GLMN: variants seen among roughly 807,000 people sequenced by gnomAD.
GLMN encodes glomulin.
Under a neutral mutation model 87.8 loss-of-function variants are expected in GLMN, and 75 were observed. The observed-to-expected ratio is 0.85, with a 90% confidence interval of 0.71 to 1.04. The LOEUF is 1.04. GLMN is among the 50% of genes least tolerant of loss of function. GLMN has a pLI of 0.00. For synonymous variants in GLMN, 206 were observed against 221.6 expected (o/e 0.93, Z 0.63); for missense variants, 588 against 658.8 (o/e 0.89, Z 1.18).
rs929992839 is a variant in GLMN at position 92,285,307 on chromosome 1, C to G, written c.735+1183G>C. 2.0e-5 allele frequency among the ~76,000 whole-genome samples: 3 copies of G among 152,146 alleles called. No homozygotes were observed. The East Asian group carries it at 5.8e-4, about 29-fold the overall frequency. On this transcript the variant is annotated intron_variant, in intron 7 of 18. Coordinates refer to ENST00000370360, the MANE Select transcript of GLMN (RefSeq NM_053274.3). Reference sequence around the variant, plus strand: ...CCATTAAAAAGGATGAGTTCATGTCCTTTGCAGGGACATGGATGAAGCTGG... The same window carrying G: ...CCATTAAAAAGGATGAGTTCATGTCGTTTGCAGGGACATGGATGAAGCTGG...
At chr1:92,324,239 G>A in the GLMN span, 6 of 1,613,864 alleles carry the variant, frequency 3.7e-6, no homozygotes, top group South Asian at 1.1e-5. Flanking sequence ...AGGGGCTCAG[G>A]TACAGCCATT....
chr1:92,265,025 T>C (rs1399976767), intron 13 of GLMN, among the ~76,000 whole-genome samples: 1 of 152,030 alleles, frequency 6.6e-6, no homozygotes, highest in Non-Finnish European at 1.5e-5. Context: ...GTATTTGTAG[T>C]AGAAACAGGG....
chr1:92,303,327 CAAT>C (rs371032464), upstream of GLMN, among the ~76,000 whole-genome samples: 6 of 152,120 alleles, frequency 3.9e-5, no homozygotes, highest in African/African-American at 1.2e-4. Flanking sequence ...ACATCACTCT[CAAT>C]AAAAAGTATT....
chr1:92,300,655 A>G (rs1650774170), upstream of GLMN, among the ~76,000 whole-genome samples: 1 of 152,270 alleles, frequency 6.6e-6, no homozygotes, highest in Non-Finnish European at 1.5e-5. Context: ...AAGGCAAGAT[A>G]TTACCACATA....
At chr1:92,255,949 C>A (rs1000570598) in intron 16 of GLMN, among the ~76,000 whole-genome samples, 1 of 151,784 alleles carries the variant, frequency 6.6e-6, no homozygotes, top group South Asian at 2.1e-4. Flanking sequence ...AAAAACCCTT[C>A]AAAAAAAATC....
intron 3 of GLMN, among the ~76,000 whole-genome samples, chr1:92,294,322 A>G (rs1427739078): frequency 1.3e-5 from 2 of 152,154 alleles, no homozygotes; most frequent in Non-Finnish European, 2.9e-5. Context: ...TCTTGACCCC[A>G]GTCTTGTAAG....
At chr1:92,358,525 A>G in the GLMN span, among the ~76,000 whole-genome samples, 3 of 152,124 alleles carry the variant, frequency 2.0e-5, no homozygotes, top group East Asian at 5.8e-4. Flanking sequence ...ATTTAATTGT[A>G]TGATTACTTG....
At chr1:92,355,640 A>G in the GLMN span, among the ~76,000 whole-genome samples, 1 of 152,284 alleles carries the variant, frequency 6.6e-6, no homozygotes. Context: ...GAACACCCCC[A>G]AGATGCCTTC....
the GLMN span, among the ~76,000 whole-genome samples, chr1:92,352,386 C>T: frequency 6.6e-6 from 1 of 152,220 alleles, no homozygotes; most frequent in Non-Finnish European, 1.5e-5. Flanking sequence ...TGGAGAGTCA[C>T]TTCCCTAGGG....
At chr1:92,268,743 G>A (rs1557533531) in intron 9 of GLMN, among the ~76,000 whole-genome samples, 1 of 152,128 alleles carries the variant, frequency 6.6e-6, no homozygotes, top group South Asian at 2.1e-4. Flanking sequence ...TAAGAGATGG[G>A]ACTGATAAAC....
Position 92,247,926 on chromosome 1 carries a change from G to A in GLMN, c.1537C>T (p.Leu513Phe). The A allele has an allele frequency of 7.0e-7, 1 of 1,423,258 alleles. No homozygotes were observed. The allele number at this position is 1,423,258 out of a possible 1,614,324, so 88.2% of individuals were successfully genotyped here. A position where few individuals can be genotyped will look rare whatever the true frequency, so the allele number is the denominator to read the frequency against. The change falls in exon 17 of 19, where the codon CTT becomes TTT. Residue 513 changes from leucine (L) to phenylalanine (F), a missense_variant. Transcript: ENST00000370360. ...NNFLKPLHIG[L>F]NMSKAHYEAE... ...TCATAATGTGCTTTTGACATATTAA[G>A]TCCTATATGAAGTGGCTTTAAGAAA...
the GLMN span, among the ~76,000 whole-genome samples, chr1:92,307,541 G>C: frequency 3.3e-5 from 5 of 152,268 alleles, no homozygotes; most frequent in African/African-American, 1.2e-4. Flanking sequence ...TGTGATGCTA[G>C]TTATGTCTGT....
At chr1:92,304,401 A>G in the GLMN span, 115 of 986,764 alleles carry the variant, frequency 1.2e-4, no homozygotes, top group South Asian at 1.7e-3. Flanking sequence ...TTTACTAACC[A>G]CTATCCTAAC....
At chr1:92,368,533 C>T in the GLMN span, among the ~76,000 whole-genome samples, 9 of 152,176 alleles carry the variant, frequency 5.9e-5, no homozygotes, top group African/African-American at 2.2e-4. Context: ...AAACTGGTGA[C>T]TTCCAAAATT....
Position 92,269,729 on chromosome 1 carries a change from A to G in GLMN, c.971T>C (p.Leu324Ser). 6.2e-7 allele frequency: 1 copy of G among 1,607,452 alleles called. No individual in the cohort carries two copies. The highest frequency in any genetic ancestry group is 1.7e-5 in the Admixed American group (1 of 60,010). The change falls in exon 9 of 19, where the codon TTG (leucine) becomes TCG (serine). Residue 324 changes from leucine (L) to serine (S), a missense_variant. Leu to Ser is a moderately radical substitution (Grantham distance 145). Coordinates refer to ENST00000370360, the MANE Select transcript of GLMN (RefSeq NM_053274.3). The stretch of plus-strand genomic sequence containing the variant: ...ACCATCTAAACGATCTTACCTTTGC[A>G]AAAAGACTTCAATGTGCCCCATATT... ...QFNMGHIEVF[L>S]QRTEESVISK...
chr1:92,359,917 G>A, the GLMN span, among the ~76,000 whole-genome samples: 1 of 151,990 alleles, frequency 6.6e-6, no homozygotes, highest in Non-Finnish European at 1.5e-5. Context: ...GGAGGGAGGG[G>A]AAACAGACAC....
At chr1:92,357,814 G>T in the GLMN span, among the ~76,000 whole-genome samples, 1 of 152,390 alleles carries the variant, frequency 6.6e-6, no homozygotes, top group Admixed American at 6.5e-5. Context: ...TTACAGGCGT[G>T]AGCCACCATA....
At chr1:92,332,228 T>C in the GLMN span, among the ~76,000 whole-genome samples, 1 of 152,054 alleles carries the variant, frequency 6.6e-6, no homozygotes, top group African/African-American at 2.4e-5. Context: ...CATTCTCTCT[T>C]CAGCCATTTC....
chr1:92,286,766 TAGG>T (rs1311542520), intron 6 of GLMN, among the ~76,000 whole-genome samples, 174 bp from the exon 7 acceptor site: 2 of 152,200 alleles, frequency 1.3e-5, no homozygotes, highest in Non-Finnish European at 2.9e-5. Context: ...AGGTGGGAAT[TAGG>T]CCAAGGGGGC....
Sources: gnomAD v4.1 joint callset for allele counts (sites outside exome capture counted in the v4.1 genomes callset) on GRCh38, gnomAD v4.1.1 for gene constraint, MANE v1.5 for transcripts, NCBI Gene and HGNC (gene_info 2026-07-23, HGNC 2026-07-21) for gene names.